Variants in CEP112 observed in about 807,000 individuals in gnomAD.
CEP112 encodes centrosomal protein of 112 kDa.
A neutral mutation model predicts 153.0 loss-of-function variants in CEP112; 127 were observed. The ratio of observed to expected loss-of-function variants is 0.83; its 90% CI spans 0.72 to 0.96. The LOEUF (loss-of-function observed/expected upper bound fraction) is 0.96. Among genes scored for constraint, CEP112 ranks in the 40% least tolerant of loss-of-function variants. The pLI is 0.00. For synonymous variants in CEP112, 358 were observed against 374.4 expected (o/e 0.96, Z 0.51); for missense variants, 1,089 against 1,101.2 (o/e 0.99, Z 0.16).
intron 24 of CEP112, among the ~76,000 whole-genome samples, chr17:65,659,008 T>C: frequency 9.4e-6 from 1 of 106,902 alleles, no homozygotes; most frequent in African/African-American, 4.2e-5. Context: ...AGAGCGAGAC[T>C]CTGTCTCAAA....
chr17:65,660,458 CTCTCCTTCCTTCCTTCCT>C (rs1209109069), intron 24 of CEP112, among the ~76,000 whole-genome samples: 24 of 54,932 alleles, frequency 4.4e-4, no homozygotes, highest in Admixed American at 4.9e-4. Flanking sequence ...TCTCTTCTCT[CTCTCCTTCCTTCCTTCCT>C]TCCTTCCTTC....
intron 23 of CEP112, among the ~76,000 whole-genome samples, chr17:65,722,932 AG>A (rs1280450020): frequency 6.6e-6 from 1 of 152,244 alleles, no homozygotes; most frequent in Non-Finnish European, 1.5e-5. Flanking sequence ...GTGAACAGCA[AG>A]GCTGAAACAG....
At chr17:65,918,265 G>A (rs997651) in intron 19 of CEP112, among the ~76,000 whole-genome samples, 62,543 of 151,540 alleles carry the variant, frequency 0.41, 13,337 homozygotes, top group South Asian at 0.65. Flanking sequence ...TAGAATATTT[G>A]CAAAGGACAA....
At chr17:65,842,610 T>C (rs1272053266) in intron 21 of CEP112, among the ~76,000 whole-genome samples, 1 of 152,156 alleles carries the variant, frequency 6.6e-6, no homozygotes, top group African/African-American at 2.4e-5. Context: ...TTAATGATGA[T>C]AGGTACCCCT....
chr17:65,802,274 T>C (rs1327173479), intron 21 of CEP112, among the ~76,000 whole-genome samples: 1 of 152,192 alleles, frequency 6.6e-6, no homozygotes, highest in Non-Finnish European at 1.5e-5. Flanking sequence ...ATCCTCTCAG[T>C]ACACTTGTTC....
At chr17:65,768,038 G>T (rs956373012) in intron 21 of CEP112, among the ~76,000 whole-genome samples, 3 of 152,048 alleles carry the variant, frequency 2.0e-5, no homozygotes, top group Admixed American at 6.6e-5. Flanking sequence ...GAGGTTAGTG[G>T]TGCTGACCAC....
intron 20 of CEP112, among the ~76,000 whole-genome samples, chr17:65,879,213 T>C (rs1489311316): frequency 2.0e-5 from 3 of 152,176 alleles, no homozygotes; most frequent in African/African-American, 7.2e-5. Context: ...TGAGGGTCCA[T>C]ATCACAGCGA....
In CEP112 at chr17:65,641,041, C is replaced by G; in HGVS notation, c.2722G>C (p.Glu908Gln). The G allele has an allele frequency of 1.1e-5, 18 of 1,606,794 alleles. No homozygotes were observed. Among genetic ancestry groups the G allele is most frequent in the Non-Finnish European group, 1.4e-5 (17 of 1,173,674 alleles). ...GGCATCAATCCTTTCAATTTTGTTTCATATTCTTGTCGTATGTAAGTTATC... is the reference window on the plus strand; with the variant it reads ...GGCATCAATCCTTTCAATTTTGTTTGATATTCTTGTCGTATGTAAGTTATC... ...EQITYIRQEY[E>Q]TKLKGLMPAS... The change falls in exon 25 of 27, where the codon GAA becomes CAA. Residue 908 changes from glutamate to glutamine, a missense_variant. By Grantham distance (29) the Glu-to-Gln change is conservative. Transcript: ENST00000535342.
At chr17:65,816,716 A>AT (rs1178366852) in intron 21 of CEP112, among the ~76,000 whole-genome samples, 4 of 151,886 alleles carry the variant, frequency 2.6e-5, no homozygotes, top group Non-Finnish European at 4.4e-5. Context: ...TTGTTAAGTG[A>AT]TTTTTTGTGT....
chr17:65,832,229 A>G (rs1354682827), intron 21 of CEP112, among the ~76,000 whole-genome samples: 1 of 152,184 alleles, frequency 6.6e-6, no homozygotes, highest in Non-Finnish European at 1.5e-5. Context: ...CTAAATATCC[A>G]CATCAAAAAG....
At chr17:65,712,829 C>T (rs1270837164) in intron 23 of CEP112, among the ~76,000 whole-genome samples, 1 of 152,060 alleles carries the variant, frequency 6.6e-6, no homozygotes, top group Non-Finnish European at 1.5e-5. Context: ...GTGGGCGATA[C>T]TCAAAAGCAA....
At chr17:65,785,480 G>T (rs909069028) in intron 21 of CEP112, among the ~76,000 whole-genome samples, 1 of 152,118 alleles carries the variant, frequency 6.6e-6, no homozygotes, top group South Asian at 2.1e-4. Flanking sequence ...CAAAACTTTC[G>T]TCTGTCTTGT....
At chr17:66,102,254 G>A (rs2146316850) in intron 6 of CEP112, among the ~76,000 whole-genome samples, 2 of 152,144 alleles carry the variant, frequency 1.3e-5, no homozygotes, top group Middle Eastern at 6.8e-3. Context: ...CAAGCTGTGA[G>A]AAAAAGAACT....
At chr17:66,123,423 A>T (rs1424320013) in intron 6 of CEP112, among the ~76,000 whole-genome samples, 3 of 152,216 alleles carry the variant, frequency 2.0e-5, no homozygotes, top group African/African-American at 4.8e-5. Context: ...TGTGAAGCTG[A>T]GCTGGAGAAG....
chr17:65,662,609 G>A (rs1418896438), intron 24 of CEP112, among the ~76,000 whole-genome samples: 2 of 152,260 alleles, frequency 1.3e-5, no homozygotes, highest in East Asian at 1.9e-4. Context: ...ATGGTAAAGA[G>A]TAAAAAGACA....
At chr17:65,716,223 C>T (rs1212592362) in intron 23 of CEP112, among the ~76,000 whole-genome samples, 1 of 151,968 alleles carries the variant, frequency 6.6e-6, no homozygotes, top group Admixed American at 6.5e-5. Context: ...GTGGCGCAAT[C>T]TCGGCTCATT....
chr17:65,848,173 G>A (rs1256480910), intron 21 of CEP112, among the ~76,000 whole-genome samples: 1 of 152,168 alleles, frequency 6.6e-6, no homozygotes, highest in Non-Finnish European at 1.5e-5. Context: ...TTTAACTCCT[G>A]CTGCTCTTTG....
intron 6 of CEP112, among the ~76,000 whole-genome samples, chr17:66,108,213 G>A (rs1445627058): frequency 6.6e-6 from 1 of 151,958 alleles, no homozygotes; most frequent in Non-Finnish European, 1.5e-5. Flanking sequence ...AAAACACTGG[G>A]GAAACTCTCC....
intron 18 of CEP112, among the ~76,000 whole-genome samples, chr17:65,937,550 C>T (rs1321618057): frequency 6.9e-5 from 8 of 115,296 alleles, no homozygotes; most frequent in Admixed American, 2.0e-4. Flanking sequence ...GCCAGCCGCC[C>T]CGTCCGGGAG....
Sources: allele counts gnomAD v4.1 joint callset (sites outside exome capture counted in the v4.1 genomes callset), GRCh38; gene constraint gnomAD v4.1.1; transcripts MANE v1.5; gene names NCBI Gene and HGNC (gene_info 2026-07-23, HGNC 2026-07-21).